CACNB2: variants seen among roughly 807,000 people sequenced by gnomAD.
The protein encoded by CACNB2 is calcium voltage-gated channel auxiliary subunit beta 2, also known as voltage-dependent L-type calcium channel subunit beta-2.
A neutral mutation model predicts 73.3 loss-of-function variants in CACNB2; 42 were observed. The observed-to-expected ratio is 0.57, with a 90% CI of 0.45 to 0.74. The LOEUF is 0.74. Among genes scored for constraint, CACNB2 ranks in the 30% least tolerant of loss-of-function variants. The probability of loss-of-function intolerance (pLI) is 0.00; values close to 1 mark genes in which losing one functional copy is unlikely to be tolerated. For missense variants in CACNB2, 940 were observed against 853.0 expected, an observed-to-expected ratio of 1.10 and a Z score of -1.27; for synonymous variants, 348 against 310.3, an observed-to-expected ratio of 1.12 and a Z score of -1.28.
At chr10:18,140,969 C>A (rs937974794) in intron 1 of CACNB2, 113 bp downstream of exon 1, 1 of 1,518,644 alleles carries the variant, frequency 6.6e-7, no homozygotes, top group Non-Finnish European at 8.8e-7. Flanking sequence ...ACCTCCTCCC[C>A]TCGTCGCCTG....
chr10:18,501,423 G>A (rs562837706), intron 5 of CACNB2, among the ~76,000 whole-genome samples: 1 of 152,316 alleles, frequency 6.6e-6, no homozygotes, highest in South Asian at 2.1e-4. Flanking sequence ...TCTACCCACT[G>A]TTAAGCACTT....
chr10:18,442,965 T>TACAC (rs2046516820), intron 3 of CACNB2, among the ~76,000 whole-genome samples: 1 of 23,392 alleles, frequency 4.3e-5, no homozygotes, highest in African/African-American at 5.9e-4. Flanking sequence ...TATGTATATA[T>TACAC]ATATGTGTAT....
chr10:18,255,547 G>T (rs1222047755), intron 2 of CACNB2, among the ~76,000 whole-genome samples: 1 of 152,194 alleles, frequency 6.6e-6, no homozygotes, highest in African/African-American at 2.4e-5. Context: ...AAGGACATTG[G>T]TTGTTTTACT....
chr10:18,316,816 C>T (rs186703095), intron 2 of CACNB2, among the ~76,000 whole-genome samples: 1 of 152,280 alleles, frequency 6.6e-6, no homozygotes, highest in East Asian at 1.9e-4. Context: ...TAAGTGGCTT[C>T]CTCCAGGTTC....
intron 2 of CACNB2, among the ~76,000 whole-genome samples, chr10:18,367,262 A>G (rs1342104595): frequency 6.6e-6 from 1 of 152,160 alleles, no homozygotes; most frequent in African/African-American, 2.4e-5. Context: ...CTTTGGGACA[A>G]AGTTTGAAAT....
chr10:18,432,450 CTGTGTGTGTGTGTGTGTG>C (rs57188373), intron 3 of CACNB2, among the ~76,000 whole-genome samples: 1 of 150,520 alleles, frequency 6.6e-6, no homozygotes, highest in East Asian at 2.0e-4. Context: ...GTGTGTGTCT[CTGTGTGTGTGTGTGTGTG>C]TGTGTGTGTG....
chr10:18,296,551 C>A (rs2039288662), intron 2 of CACNB2, among the ~76,000 whole-genome samples: 1 of 152,034 alleles, frequency 6.6e-6, no homozygotes, highest in Admixed American at 6.6e-5. Context: ...CACCAGGTGG[C>A]TTCAGTGAAT....
chr10:18,440,967 A>G (rs911300963), intron 3 of CACNB2, among the ~76,000 whole-genome samples: 6 of 152,218 alleles, frequency 3.9e-5, no homozygotes, highest in Admixed American at 3.3e-4. Context: ...TATAAACTTC[A>G]AATCTTAAAA....
At chr10:18,514,199 C>T (rs1405804864) in intron 6 of CACNB2, 37 bp from the exon 7 acceptor site, 2 of 1,610,856 alleles carry the variant, frequency 1.2e-6, no homozygotes, top group African/African-American at 1.3e-5. Flanking sequence ...TATTTTTCCT[C>T]TCCTGTCCAC....
intron 2 of CACNB2, among the ~76,000 whole-genome samples, chr10:18,257,571 C>T (rs561688899): frequency 3.0e-4 from 45 of 152,326 alleles, no homozygotes; most frequent in African/African-American, 1.0e-3. Flanking sequence ...GCTTTTGCAT[C>T]TTCTGCCCAT....
In CACNB2 at chr10:18,439,612, T is replaced by G. The variant is rs142492272; in HGVS notation, c.333+37569T>G. Among the ~76,000 whole-genome samples the G allele has an allele frequency of 1.4e-3, 211 of 152,366 alleles. 4 individuals are homozygous for G. Among genetic ancestry groups the G allele is most frequent in the African/African-American group, 4.8e-3 (199 of 41,596 alleles). ...TTTCCCCACCTCCCGCTATCACCTT[T>G]GAAATCATGCTCTAAGTAACCCTTC... On this transcript the variant is annotated intron_variant, in intron 3 of 13. Transcript: ENST00000324631.
chr10:18,428,138 T>C (rs1190542066), intron 3 of CACNB2, among the ~76,000 whole-genome samples: 2 of 152,218 alleles, frequency 1.3e-5, no homozygotes, highest in African/African-American at 4.8e-5. Flanking sequence ...TTCCCAAAGA[T>C]ATGCAGGTGA....
intron 2 of CACNB2, among the ~76,000 whole-genome samples, chr10:18,320,096 G>A (rs2040343270): frequency 6.7e-6 from 1 of 150,030 alleles, no homozygotes; most frequent in South Asian, 2.1e-4. Flanking sequence ...CTTTCATGCC[G>A]ACCCCGCCAC....
chr10:18,484,380 C>T (rs1372559205), intron 3 of CACNB2, among the ~76,000 whole-genome samples: 1 of 150,562 alleles, frequency 6.6e-6, no homozygotes, highest in Non-Finnish European at 1.5e-5. Context: ...GGTGACAGAG[C>T]CAGACTCTGT....
At chr10:18,424,894 G>C (rs1485344067) in intron 3 of CACNB2, among the ~76,000 whole-genome samples, 2 of 152,174 alleles carry the variant, frequency 1.3e-5, no homozygotes, top group African/African-American at 4.8e-5. Context: ...AGGAATTGCA[G>C]ATAATCCCAG....
intron 2 of CACNB2, among the ~76,000 whole-genome samples, chr10:18,272,800 C>T (rs1373505168): frequency 6.6e-6 from 1 of 152,190 alleles, no homozygotes; most frequent in Non-Finnish European, 1.5e-5. Flanking sequence ...GTCCATTAAA[C>T]CTCTTTCTTT....
In CACNB2 at chr10:18,525,552, C is replaced by G. The variant is rs576156323; in HGVS notation, c.945-2036C>G. Among the ~76,000 whole-genome samples the G allele has an allele frequency of 1.1e-3, 173 of 152,144 alleles. 1 individual carries two copies. Among genetic ancestry groups the G allele is most frequent in the African/African-American group, 4.0e-3 (167 of 41,518 alleles). ...AGACCCTTTGGGACCTGTCTTTTTC[C>G]TCTGAAAGCTTATGGGTTTCTCTTT... is the stretch of plus-strand genomic sequence containing the variant. On this transcript the variant is annotated intron_variant, in intron 9 of 13. Transcript: ENST00000324631.
intron 2 of CACNB2, among the ~76,000 whole-genome samples, chr10:18,235,429 G>A (rs1316286078): frequency 1.3e-5 from 2 of 152,184 alleles, no homozygotes; most frequent in African/African-American, 4.8e-5. Flanking sequence ...CTGCACTCCA[G>A]CCTGGGAGAC....
chr10:18,407,546 T>C (rs774888503), intron 3 of CACNB2, among the ~76,000 whole-genome samples: 3 of 152,180 alleles, frequency 2.0e-5, no homozygotes, highest in Non-Finnish European at 4.4e-5. Flanking sequence ...TTGTTTATTG[T>C]ACTTGGCTTC....
Sources: gnomAD v4.1 joint callset for allele counts (sites outside exome capture counted in the v4.1 genomes callset) on GRCh38, gnomAD v4.1.1 for gene constraint, MANE v1.5 for transcripts, NCBI Gene and HGNC (gene_info 2026-07-23, HGNC 2026-07-21) for gene names.